FAM184B: variants seen among roughly 807,000 people sequenced by gnomAD.
FAM184B encodes protein FAM184B.
Under a neutral mutation model 135.9 loss-of-function variants are expected in FAM184B, and 111 were observed. The ratio of observed to expected loss-of-function variants is 0.82; its 90% CI spans 0.70 to 0.96. The LOEUF (loss-of-function observed/expected upper bound fraction) is 0.96, where lower values mean the gene tolerates loss of function less well. FAM184B is among the 40% of genes least tolerant of loss of function. The probability of loss-of-function intolerance (pLI) is 0.00; values close to 1 mark genes in which losing one functional copy is unlikely to be tolerated. For missense variants in FAM184B, 1,375 were observed against 1,323.9 expected (o/e 1.04, Z -0.60); for synonymous variants, 552 against 524.8 (o/e 1.05, Z -0.71).
intron 1 of FAM184B, among the ~76,000 whole-genome samples, chr4:17,732,310 G>T (rs1230809182): frequency 6.6e-6 from 1 of 152,184 alleles, no homozygotes; most frequent in East Asian, 1.9e-4. Flanking sequence ...TGAAAAGCTA[G>T]CAGAAGGCAA....
chr4:17,753,490 A>G (rs1427492769), intron 1 of FAM184B, among the ~76,000 whole-genome samples: 1 of 152,212 alleles, frequency 6.6e-6, no homozygotes, highest in Non-Finnish European at 1.5e-5. Flanking sequence ...ACACACTTAA[A>G]TCAGTTCTCC....
chr4:17,702,537 C>A (rs1410580540), intron 5 of FAM184B, among the ~76,000 whole-genome samples: 2 of 152,120 alleles, frequency 1.3e-5, no homozygotes, highest in African/African-American at 2.4e-5. Flanking sequence ...ATAGTGCACT[C>A]CTAACTCTAC....
intron 7 of FAM184B, among the ~76,000 whole-genome samples, chr4:17,686,931 A>T (rs575683118): frequency 6.6e-6 from 1 of 152,274 alleles, no homozygotes; most frequent in South Asian, 2.1e-4. Context: ...ACAGAGAAAG[A>T]CCCTGTCTCA....
At chr4:17,640,039 C>A (rs1039796498) in intron 13 of FAM184B, among the ~76,000 whole-genome samples, 2 of 150,458 alleles carry the variant, frequency 1.3e-5, no homozygotes, top group African/African-American at 4.9e-5. Flanking sequence ...ACCATGTTGG[C>A]CAGGCTAGTC....
intron 10 of FAM184B, among the ~76,000 whole-genome samples, chr4:17,656,867 CTTG>C (rs1715788441): frequency 6.6e-6 from 1 of 152,106 alleles, no homozygotes; most frequent in African/African-American, 2.4e-5. Flanking sequence ...CTCCTTGTTT[CTTG>C]TTGTATTTAC....
intron 1 of FAM184B, among the ~76,000 whole-genome samples, chr4:17,772,553 T>C (rs1205818276): frequency 2.0e-5 from 3 of 152,212 alleles, no homozygotes; most frequent in African/African-American, 7.2e-5. Flanking sequence ...AATAAAGGAA[T>C]TAGTTTTCAC....
At chr4:17,701,989 T>C (rs1242365239) in intron 5 of FAM184B, among the ~76,000 whole-genome samples, 1 of 152,240 alleles carries the variant, frequency 6.6e-6, no homozygotes, top group Non-Finnish European at 1.5e-5. Context: ...ACATGTCTAG[T>C]GGCTTCCGTA....
At chr4:17,691,977 C>T (rs571757973) in intron 6 of FAM184B, among the ~76,000 whole-genome samples, 385 of 151,546 alleles carry the variant, frequency 2.5e-3, no homozygotes, top group Non-Finnish European at 4.4e-3. Context: ...CGCTTGAACC[C>T]GGGAGGCGGA....
At chr4:17,689,171 C>T (rs1288462902) in intron 6 of FAM184B, among the ~76,000 whole-genome samples, 1 of 151,812 alleles carries the variant, frequency 6.6e-6, no homozygotes, top group Non-Finnish European at 1.5e-5. Flanking sequence ...GAAAACAAAA[C>T]AAAAAAGTTA....
chr4:17,769,579 TAA>T (rs1251913994), intron 1 of FAM184B, among the ~76,000 whole-genome samples: 1 of 152,066 alleles, frequency 6.6e-6, no homozygotes, highest in Non-Finnish European at 1.5e-5. Context: ...AGGGAGTGGG[TAA>T]AGACTACTTG....
At chr4:17,643,929 C>G (rs1312571060) in intron 12 of FAM184B, among the ~76,000 whole-genome samples, 3 of 152,204 alleles carry the variant, frequency 2.0e-5, no homozygotes, top group African/African-American at 7.2e-5. Flanking sequence ...GGCATGTCCC[C>G]AACAGGACCG....
At chr4:17,721,088 T>C (rs938199623) in intron 1 of FAM184B, among the ~76,000 whole-genome samples, 1 of 150,500 alleles carries the variant, frequency 6.6e-6, no homozygotes, top group Non-Finnish European at 1.5e-5. Context: ...ATTTGTTGAA[T>C]GAATAAAAAA....
chr4:17,711,339 C>T (rs1717265624), intron 1 of FAM184B, among the ~76,000 whole-genome samples: 1 of 151,800 alleles, frequency 6.6e-6, no homozygotes, highest in African/African-American at 2.4e-5. Flanking sequence ...ATTAGCCGGG[C>T]GTGGGGTGGG....
In FAM184B at chr4:17,642,044, CG is replaced by C. The variant is rs1392054233; in HGVS notation, c.2519+11del. ...AGGGTGGCGCGGTGGCGGGGCGCGCCGGGTCACCCACCTGCGCTGGTCTCGG... is the reference window on the plus strand; with the variant it reads ...AGGGTGGCGCGGTGGCGGGGCGCGCCGGTCACCCACCTGCGCTGGTCTCGG... On this transcript the variant is annotated intron_variant, in intron 13 of 17. Transcript: ENST00000265018. The C allele has an allele frequency of 2.0e-6, 3 of 1,520,700 alleles. No homozygotes were observed. The highest frequency in any genetic ancestry group is 2.5e-5 in the East Asian group (1 of 39,376). The allele number at this position is 1,520,700 out of a possible 1,614,324, so 94.2% of individuals were successfully genotyped here.
intron 1 of FAM184B, among the ~76,000 whole-genome samples, chr4:17,750,606 G>A (rs946862471): frequency 5.3e-5 from 8 of 152,142 alleles, no homozygotes; most frequent in Admixed American, 4.6e-4. Flanking sequence ...GCTCCCCTAG[G>A]TTGTGACAAT....
chr4:17,755,604 C>T (rs935286338), intron 1 of FAM184B, among the ~76,000 whole-genome samples: 2 of 152,168 alleles, frequency 1.3e-5, no homozygotes, highest in Admixed American at 1.3e-4. Context: ...AAGATATGTA[C>T]ATGCATATGT....
At chr4:17,729,457 G>A (rs569579528) in intron 1 of FAM184B, among the ~76,000 whole-genome samples, 7 of 152,344 alleles carry the variant, frequency 4.6e-5, no homozygotes, top group South Asian at 2.1e-4. Context: ...CTCCTCAAGC[G>A]GGTCCTTGAC....
intron 6 of FAM184B, among the ~76,000 whole-genome samples, chr4:17,691,917 G>C (rs1716745011): frequency 6.6e-6 from 1 of 151,822 alleles, no homozygotes; most frequent in South Asian, 2.1e-4. Context: ...GCCAGGCGTG[G>C]TGGCAGGCAC....
intron 1 of FAM184B, among the ~76,000 whole-genome samples, chr4:17,742,168 A>ATATATATATATATAT (rs1459958150): frequency 9.2e-6 from 1 of 109,284 alleles, no homozygotes; most frequent in South Asian, 2.5e-4. Context: ...ATATATATAT[A>ATATATATATATATAT]TTTTTTTTTT....
Sources: gnomAD v4.1 joint callset for allele counts (sites outside exome capture counted in the v4.1 genomes callset) on GRCh38, gnomAD v4.1.1 for gene constraint, MANE v1.5 for transcripts, NCBI Gene and HGNC (gene_info 2026-07-23, HGNC 2026-07-21) for gene names.